XRRA1: variants seen among roughly 807,000 people sequenced by gnomAD.
XRRA1 encodes X-ray radiation resistance associated 1, also known as X-ray radiation resistance-associated protein 1.
XRRA1 carries 69 observed loss-of-function variants against 80.2 expected under a neutral mutation model. The ratio of observed to expected loss-of-function variants is 0.86; its 90% CI spans 0.71 to 1.05. The LOEUF (loss-of-function observed/expected upper bound fraction) is 1.05. Ranked by LOEUF, XRRA1 falls within the 50% of genes least tolerant of loss-of-function variation. The pLI is 0.00. For synonymous variants in XRRA1, 348 were observed against 389.9 expected, an observed-to-expected ratio of 0.89 and a Z score of 1.27; for missense variants, 967 against 976.4, an observed-to-expected ratio of 0.99 and a Z score of 0.13.
intron 10 of XRRA1, among the ~76,000 whole-genome samples, chr11:74,880,767 C>A (rs965920392): frequency 6.6e-6 from 1 of 151,174 alleles, no homozygotes; most frequent in Non-Finnish European, 1.5e-5. Context: ...TGTAGTTGAG[C>A]GGTTTTGAGT....
At chr11:74,850,293 C>T (rs1667846771) in intron 14 of XRRA1, among the ~76,000 whole-genome samples, 1 of 152,196 alleles carries the variant, frequency 6.6e-6, no homozygotes, top group African/African-American at 2.4e-5. Flanking sequence ...GATTCTGCCC[C>T]TCCCTGGCTG....
chr11:74,899,619 A>G (rs1475909699), intron 10 of XRRA1, among the ~76,000 whole-genome samples: 1 of 152,238 alleles, frequency 6.6e-6, no homozygotes, highest in Non-Finnish European at 1.5e-5. Context: ...AGTGGCTACT[A>G]TGAACAACTA....
At chr11:74,870,098 C>G (rs961053997) in intron 10 of XRRA1, among the ~76,000 whole-genome samples, 1 of 152,176 alleles carries the variant, frequency 6.6e-6, no homozygotes, top group African/African-American at 2.4e-5. Flanking sequence ...TAAAATAAAA[C>G]CAAAAACATT....
chr11:74,887,351 A>G (rs1448529479), intron 10 of XRRA1, among the ~76,000 whole-genome samples: 1 of 152,252 alleles, frequency 6.6e-6, no homozygotes, highest in Non-Finnish European at 1.5e-5. Flanking sequence ...CAGAATCTAT[A>G]AGGTACTTAA....
intron 8 of XRRA1, among the ~76,000 whole-genome samples, chr11:74,912,239 T>C (rs950576384): frequency 1.3e-5 from 2 of 152,032 alleles, no homozygotes; most frequent in Admixed American, 1.3e-4. Context: ...CTTCCCTGAG[T>C]AAAAAACTAG....
intron 10 of XRRA1, among the ~76,000 whole-genome samples, chr11:74,887,211 T>C (rs1368435327): frequency 1.3e-5 from 2 of 152,158 alleles, no homozygotes; most frequent in Non-Finnish European, 2.9e-5. Context: ...GAAACAGTAA[T>C]TGACAAATGA....
rs764408400 is a variant in XRRA1, at chr11:74,921,383, A to G, written c.523-36T>C. 12 of 1,611,590 alleles carry G rather than the reference A, an allele frequency of 7.4e-6. No individual in the cohort carries two copies. The African/African-American group carries it at 1.2e-4, about 16-fold the overall frequency. ...AAGATGAAAGATGGGGAAGGTAAGCACTCTGTGTGACAACAATGCTCATAT... is the reference window on the plus strand; with the variant it reads ...AAGATGAAAGATGGGGAAGGTAAGCGCTCTGTGTGACAACAATGCTCATAT... On this transcript the variant is annotated intron_variant, in intron 7 of 18. Coordinates refer to ENST00000684022, the MANE Select transcript of XRRA1 (RefSeq NM_001378157.1).
At chr11:74,883,892 C>T (rs1435086865) in intron 10 of XRRA1, among the ~76,000 whole-genome samples, 1 of 152,184 alleles carries the variant, frequency 6.6e-6, no homozygotes, top group African/African-American at 2.4e-5. Context: ...TAACAAAACG[C>T]AGTACAAGAA....
In XRRA1 at chr11:74,843,047, AG is replaced by A; in HGVS notation, c.*152del. The A allele has an allele frequency of 9.3e-7, 1 of 1,074,556 alleles. No homozygotes were observed. The highest frequency in any genetic ancestry group is 1.3e-6 in the Non-Finnish European group (1 of 770,980). The allele number at this position is 1,074,556 out of a possible 1,614,324, so 66.6% of individuals were successfully genotyped here. A position where few individuals can be genotyped will look rare whatever the true frequency, so the allele number is the denominator to read the frequency against. On this transcript the variant is annotated 3_prime_UTR_variant, in exon 19 of 19. Coordinates refer to ENST00000684022, the MANE Select transcript of XRRA1 (RefSeq NM_001378157.1). ...GGGCCAAGGAGGGGAGATCCTGACA[AG>A]GGGATGCCACCTTGTGGCCAGCAAG... is the stretch of plus-strand genomic sequence containing the variant.
intron 5 of XRRA1, chr11:74,931,753 C>A (rs868538168): frequency 5.9e-5 from 9 of 152,300 alleles, no homozygotes; most frequent in African/African-American, 1.9e-4. Flanking sequence ...CTTATACACA[C>A]CTCCTATTCA....
chr11:74,948,134 T>C (rs936929181), intron 1 of XRRA1, among the ~76,000 whole-genome samples: 8 of 152,244 alleles, frequency 5.3e-5, no homozygotes, highest in Non-Finnish European at 1.0e-4. Context: ...TCAAAAATAT[T>C]TGTTTAATTC....
At chr11:74,921,090 G>A (rs1395659896) in intron 8 of XRRA1, 124 bp downstream of exon 8, 15 of 1,283,478 alleles carry the variant, frequency 1.2e-5, no homozygotes, top group Non-Finnish European at 1.6e-5. Context: ...AGCTTCAGTA[G>A]GTGCCATTAT....
chr11:74,869,598 A>G (rs1165654264), intron 10 of XRRA1, among the ~76,000 whole-genome samples: 1 of 152,216 alleles, frequency 6.6e-6, no homozygotes, highest in East Asian at 1.9e-4. Flanking sequence ...GGGATGGGCA[A>G]CATGGTGCAG....
intron 6 of XRRA1, among the ~76,000 whole-genome samples, chr11:74,929,856 A>T (rs1022626023): frequency 3.3e-5 from 5 of 152,140 alleles, no homozygotes; most frequent in African/African-American, 1.2e-4. Context: ...TCACCAAACC[A>T]TGAGCTCACC....
At chr11:74,888,168 C>T (rs995283830) in intron 10 of XRRA1, among the ~76,000 whole-genome samples, 2 of 152,184 alleles carry the variant, frequency 1.3e-5, no homozygotes, top group Non-Finnish European at 2.9e-5. Flanking sequence ...TGGGAGGCAC[C>T]CCCCAGTAGG....
chr11:74,849,314 CCTGT>C (rs1467565990), intron 14 of XRRA1, among the ~76,000 whole-genome samples: 3 of 152,164 alleles, frequency 2.0e-5, no homozygotes, highest in Non-Finnish European at 4.4e-5. Flanking sequence ...CCTCCTTGTG[CCTGT>C]CTCACAGAGT....
chr11:74,870,693 C>A (rs372079088), intron 10 of XRRA1, among the ~76,000 whole-genome samples: 5 of 152,028 alleles, frequency 3.3e-5, no homozygotes, highest in African/African-American at 1.2e-4. Context: ...GAATAGAAAT[C>A]CTCTCCATGA....
chr11:74,888,904 G>A (rs532690320), intron 10 of XRRA1, among the ~76,000 whole-genome samples: 17 of 152,346 alleles, frequency 1.1e-4, no homozygotes, highest in African/African-American at 4.1e-4. Flanking sequence ...ATGGGACTAT[G>A]TGAAAAGACC....
At position 74,941,003 on chromosome 11, in the gene XRRA1, G is replaced by A. The variant is rs192382411; in HGVS notation, c.-4-121C>T. ...CCACACCCGCACACACCCTGCCTCC[G>A]ACACCCTGGAGGCCCCACTGCCCTT... On this transcript the variant is annotated intron_variant, in intron 2 of 18. Transcript: ENST00000684022. 1.1e-4 allele frequency: 77 copies of A among 683,252 alleles called. No homozygotes were observed. In the Middle Eastern group the frequency reaches 1.6e-3, roughly 14 times the overall value. The allele number at this position is 683,252 out of a possible 1,614,324, so 42.3% of individuals were successfully genotyped here. A position where few individuals can be genotyped will look rare whatever the true frequency, so the allele number is the denominator to read the frequency against.
Sources: allele counts gnomAD v4.1 joint callset (sites outside exome capture counted in the v4.1 genomes callset), GRCh38; gene constraint gnomAD v4.1.1; transcripts MANE v1.5; gene names NCBI Gene and HGNC (gene_info 2026-07-23, HGNC 2026-07-21).